Variants in CLSTN2 observed in about 807,000 individuals in gnomAD.
CLSTN2 encodes the protein calsyntenin 2, also known as calsyntenin-2.
CLSTN2 carries 48 observed loss-of-function variants against 101.2 expected under a neutral mutation model. The observed-to-expected ratio is 0.47, with a 90% CI of 0.38 to 0.60. CLSTN2 has a LOEUF of 0.60. CLSTN2 is among the 20% of genes least tolerant of loss of function. The pLI is 0.00. For missense variants in CLSTN2, 1,160 were observed against 1,238.2 expected (o/e 0.94, Z 0.95); for synonymous variants, 481 against 463.6 (o/e 1.04, Z -0.48).
chr3:140,279,376 C>T (rs149715216), intron 2 of CLSTN2, among the ~76,000 whole-genome samples: 143 of 152,326 alleles, frequency 9.4e-4, no homozygotes, highest in African/African-American at 3.2e-3. Flanking sequence ...GGTTCAGGCC[C>T]ACAAGTTGAA....
intron 2 of CLSTN2, among the ~76,000 whole-genome samples, chr3:140,197,692 G>C (rs1434084055): frequency 6.6e-6 from 1 of 152,180 alleles, no homozygotes; most frequent in Non-Finnish European, 1.5e-5. Context: ...GTGACATCTA[G>C]TGAGTAGAGG....
chr3:140,430,737 G>A (rs905137712), intron 5 of CLSTN2, among the ~76,000 whole-genome samples: 3 of 152,206 alleles, frequency 2.0e-5, no homozygotes, highest in Non-Finnish European at 2.9e-5. Context: ...TTAGACAGAG[G>A]CAAAGAAGTG....
chr3:139,968,117 G>A (rs187775611), intron 1 of CLSTN2, among the ~76,000 whole-genome samples: 99 of 152,196 alleles, frequency 6.5e-4, no homozygotes, highest in African/African-American at 2.1e-3. Context: ...CCTTTTGGAC[G>A]GCCTATATAC....
intron 1 of CLSTN2, among the ~76,000 whole-genome samples, chr3:140,153,530 G>A (rs1035273782): frequency 1.3e-5 from 2 of 152,248 alleles, no homozygotes; most frequent in Non-Finnish European, 2.9e-5. Flanking sequence ...AAGCCTGGGT[G>A]CACCTGTGTG....
Position 140,049,935 on chromosome 3 carries a change from C to T in CLSTN2, c.109+114452C>T, listed in dbSNP as rs116977365. 1.4e-4 allele frequency among the ~76,000 whole-genome samples: 22 copies of T among 152,272 alleles called. No individual in the cohort carries two copies. In the East Asian group the frequency reaches 3.5e-3, roughly 24 times the overall value. On this transcript the variant is annotated intron_variant, in intron 1 of 16. Coordinates refer to ENST00000458420, the MANE Select transcript of CLSTN2 (RefSeq NM_022131.3). ...TGGGCCCCAGGATCCTGACCTCTAC[C>T]GACTTGCTTCATCTGAGTTCACCTT... is the stretch of plus-strand genomic sequence containing the variant.
intron 2 of CLSTN2, among the ~76,000 whole-genome samples, chr3:140,190,438 CAAAAAAAA>C (rs35206840): frequency 1.1e-3 from 94 of 82,940 alleles, no homozygotes; most frequent in African/African-American, 3.4e-3. Context: ...TCTATAGCTA[CAAAAAAAA>C]AAAAAAAAAA....
In CLSTN2 at chr3:140,448,539, T is replaced by C. The variant is rs1247079149; in HGVS notation, c.808T>C (p.Tyr270His). Residue 270 changes from tyrosine to histidine, a missense_variant, in exon 6 of 17, where the codon TAC (tyrosine) becomes CAC (histidine). Physicochemically the swap from Tyr to His is moderately conservative, Grantham distance 83. Coordinates refer to ENST00000458420, the MANE Select transcript of CLSTN2 (RefSeq NM_022131.3). ...GWQDWTKRIEYQPGSGSMPLF... is the reference protein window; with the variant it reads ...GWQDWTKRIEHQPGSGSMPLF... ...TTTAGACTGGACCAAGAGGATTGAG[T>C]ACCAGCCTGGCTCCGGGAGCATGCC... The C allele has an allele frequency of 1.2e-6, 2 of 1,614,000 alleles. No individual in the cohort carries two copies. The highest frequency in any genetic ancestry group is 1.7e-6 in the Non-Finnish European group (2 of 1,179,948).
chr3:140,517,916 C>T (rs1230275722), intron 8 of CLSTN2, among the ~76,000 whole-genome samples: 1 of 152,052 alleles, frequency 6.6e-6, no homozygotes, highest in Non-Finnish European at 1.5e-5. Context: ...CTTTGGCTAC[C>T]AGGGCAGGTA....
At chr3:140,054,761 CT>C (rs2008068947) in intron 1 of CLSTN2, among the ~76,000 whole-genome samples, 2 of 152,280 alleles carry the variant, frequency 1.3e-5, no homozygotes, top group South Asian at 4.1e-4. Flanking sequence ...AGTCTGTTGA[CT>C]ACTGTTAACT....
At chr3:140,075,058 C>T (rs1009008441) in intron 1 of CLSTN2, among the ~76,000 whole-genome samples, 6 of 152,222 alleles carry the variant, frequency 3.9e-5, no homozygotes, top group Admixed American at 2.0e-4. Flanking sequence ...CCTCACTAGT[C>T]ATCCCTGATA....
chr3:140,005,506 C>T (rs367594313), intron 1 of CLSTN2, among the ~76,000 whole-genome samples: 6 of 152,312 alleles, frequency 3.9e-5, no homozygotes, highest in African/African-American at 1.4e-4. Flanking sequence ...CACACAGAGC[C>T]TCTCCTGCTT....
At chr3:140,200,454 A>G (rs1576464777) in intron 2 of CLSTN2, among the ~76,000 whole-genome samples, 1 of 152,282 alleles carries the variant, frequency 6.6e-6, no homozygotes, top group East Asian at 1.9e-4. Context: ...TCAGCAGTCA[A>G]CAAGCCATAC....
intron 1 of CLSTN2, among the ~76,000 whole-genome samples, chr3:140,157,125 AT>A (rs962265432): frequency 6.6e-6 from 1 of 151,736 alleles, no homozygotes; most frequent in Non-Finnish European, 1.5e-5. Flanking sequence ...TTCAATCTTT[AT>A]TTTTTTAAAG....
chr3:140,534,801 T>G (rs116354271), intron 9 of CLSTN2, among the ~76,000 whole-genome samples: 1,730 of 152,348 alleles, frequency 0.011, 16 homozygotes, highest in Non-Finnish European at 0.017. Context: ...GAAGAAAAAT[T>G]GAAAATATTG....
At chr3:139,997,610 A>G (rs1182163261) in intron 1 of CLSTN2, among the ~76,000 whole-genome samples, 1 of 152,184 alleles carries the variant, frequency 6.6e-6, no homozygotes, top group Non-Finnish European at 1.5e-5. Context: ...TTCTGCCTTA[A>G]TCATTACACA....
intron 1 of CLSTN2, among the ~76,000 whole-genome samples, chr3:139,990,793 T>C (rs749326347): frequency 6.6e-6 from 1 of 152,204 alleles, no homozygotes; most frequent in Non-Finnish European, 1.5e-5. Context: ...GTTCTCACTG[T>C]AATGGTTTAA....
At chr3:140,551,141 A>G (rs1418688531) in intron 10 of CLSTN2, among the ~76,000 whole-genome samples, 3 of 152,062 alleles carry the variant, frequency 2.0e-5, no homozygotes, top group African/African-American at 7.2e-5. Flanking sequence ...ATTCTTGAAA[A>G]TCATTAAAAC....
chr3:140,255,956 A>G (rs1460810295), intron 2 of CLSTN2, among the ~76,000 whole-genome samples: 2 of 152,182 alleles, frequency 1.3e-5, no homozygotes, highest in Non-Finnish European at 2.9e-5. Context: ...AACCCAGGAC[A>G]TTTTGGAATA....
intron 9 of CLSTN2, among the ~76,000 whole-genome samples, chr3:140,534,257 T>C (rs349540): frequency 1 from 151,984 of 152,176 alleles, 75,896 homozygotes; most frequent in Non-Finnish European, 1. Flanking sequence ...TAAGAAAACA[T>C]TGCCCTAATC....
Sources: allele counts gnomAD v4.1 joint callset (sites outside exome capture counted in the v4.1 genomes callset), GRCh38; gene constraint gnomAD v4.1.1; transcripts MANE v1.5; gene names NCBI Gene and HGNC (gene_info 2026-07-23, HGNC 2026-07-21).